The following RTN4 variants were observed in gnomAD, a reference collection of about 807,000 sequenced individuals.
RTN4 encodes reticulon-4.
RTN4 carries 32 observed loss-of-function variants against 90.4 expected under a neutral mutation model. The observed-to-expected ratio is 0.35, with a 90% CI of 0.27 to 0.48. RTN4 has a LOEUF of 0.48. Ranked by LOEUF, RTN4 falls within the 20% of genes least tolerant of loss-of-function variation. The pLI, the probability that RTN4 is intolerant of heterozygous loss-of-function variation, is 0.99. For synonymous variants in RTN4, 629 were observed against 552.5 expected, an observed-to-expected ratio of 1.14 and a Z score of -1.94; for missense variants, 1,706 against 1,430.2, an observed-to-expected ratio of 1.19 and a Z score of -3.11.
At chr2:55,013,136 C>T (rs912884084) in intron 3 of RTN4, among the ~76,000 whole-genome samples, 1 of 152,152 alleles carries the variant, frequency 6.6e-6, no homozygotes, top group Non-Finnish European at 1.5e-5. Context: ...TTTATTTATA[C>T]TGCAAGCCAA....
chr2:55,107,068 T>C (rs1358942023), intron 1 of RTN4, among the ~76,000 whole-genome samples: 1 of 152,054 alleles, frequency 6.6e-6, no homozygotes, highest in African/African-American at 2.4e-5. Context: ...AAAACAAAAT[T>C]GGTGACTCAA....
chr2:55,123,135 G>T, the RTN4 span, among the ~76,000 whole-genome samples: 1 of 151,820 alleles, frequency 6.6e-6, no homozygotes, highest in African/African-American at 2.4e-5. Flanking sequence ...TAACCACAAA[G>T]AAAATAAAAA....
intron 5 of RTN4, among the ~76,000 whole-genome samples, chr2:54,981,864 T>C (rs1347995870): frequency 7.5e-6 from 1 of 133,200 alleles, no homozygotes; most frequent in African/African-American, 2.9e-5. Flanking sequence ...AATCTGATAA[T>C]GCATTAGACG....
intron 1 of RTN4, among the ~76,000 whole-genome samples, chr2:55,088,018 T>A (rs1476044871): frequency 1.3e-5 from 2 of 152,258 alleles, no homozygotes; most frequent in Admixed American, 6.5e-5. Flanking sequence ...ACCTTAGTGT[T>A]CTTTATTTAA....
At chr2:55,021,997 T>C (rs1240632313) in intron 3 of RTN4, among the ~76,000 whole-genome samples, 3 of 152,224 alleles carry the variant, frequency 2.0e-5, no homozygotes, top group Admixed American at 2.0e-4. Context: ...GCCCAAGCAT[T>C]GCTTACACTT....
chr2:54,975,494 A>G (rs1343369562), intron 5 of RTN4, among the ~76,000 whole-genome samples: 1 of 152,222 alleles, frequency 6.6e-6, no homozygotes, highest in African/African-American at 2.4e-5. Flanking sequence ...GGGATCAGCA[A>G]ACTTTCTCTG....
chr2:55,057,898 G>A lies in RTN4; in HGVS notation c.-63+22591C>T, dbSNP rs556486521. Reference sequence around the variant, plus strand: ...CTTGGGAGGCTAAGACGGGAGGATCGCTTGAGCCAAGGAGGTCAAGGTTAC... The same window carrying A: ...CTTGGGAGGCTAAGACGGGAGGATCACTTGAGCCAAGGAGGTCAAGGTTAC... On this transcript the variant is annotated intron_variant, in intron 2 of 3. Coordinates refer to the RTN4 transcript ENST00000427710. 9.2e-5 allele frequency among the ~76,000 whole-genome samples: 14 copies of A among 152,210 alleles called. No homozygotes were observed. The East Asian group carries it at 1.9e-3, about 21-fold the overall frequency.
chr2:55,063,269 G>A (rs2105006523), intron 2 of RTN4, among the ~76,000 whole-genome samples: 1 of 152,322 alleles, frequency 6.6e-6, no homozygotes, highest in Admixed American at 6.5e-5. Flanking sequence ...CTTAGGTGAG[G>A]CGGGAAAGCC....
At chr2:55,120,008 G>C in the RTN4 span, among the ~76,000 whole-genome samples, 6 of 152,216 alleles carry the variant, frequency 3.9e-5, no homozygotes, top group Non-Finnish European at 8.8e-5. Context: ...CGCAGTCATT[G>C]CAAGTGACTG....
intron 5 of RTN4, among the ~76,000 whole-genome samples, chr2:54,975,560 CATATT>C (rs1486671528): frequency 1.9e-4 from 29 of 152,152 alleles, no homozygotes; most frequent in African/African-American, 7.0e-4. Flanking sequence ...GTTTGTGTCT[CATATT>C]ATTCTGTGTC....
At chr2:55,045,948 A>G (rs1458316914) in intron 1 of RTN4, among the ~76,000 whole-genome samples, 6 of 152,208 alleles carry the variant, frequency 3.9e-5, no homozygotes, top group Non-Finnish European at 8.8e-5. Context: ...TAAGCCAAGT[A>G]TTTTCCCATG....
chr2:54,981,632 C>A (rs983880573), intron 5 of RTN4, among the ~76,000 whole-genome samples: 1 of 152,308 alleles, frequency 6.6e-6, no homozygotes, highest in South Asian at 2.1e-4. Context: ...CCTGTTTCGT[C>A]AGTCAGAACT....
intron 3 of RTN4, among the ~76,000 whole-genome samples, chr2:54,999,418 T>C (rs1266500895): frequency 6.6e-6 from 1 of 152,128 alleles, no homozygotes; most frequent in African/African-American, 2.4e-5. Context: ...ACATTCTTCT[T>C]TGAACAGCCC....
chr2:55,112,179 C>A (rs2105068777), intron 1 of RTN4, among the ~76,000 whole-genome samples: 1 of 152,350 alleles, frequency 6.6e-6, no homozygotes, highest in East Asian at 1.9e-4. Context: ...AGCTCACCTG[C>A]ACTGGGCTGA....
At chr2:54,993,554 CTT>C in intron 3 of RTN4, among the ~76,000 whole-genome samples, 1 of 152,294 alleles carries the variant, frequency 6.6e-6, no homozygotes, top group East Asian at 1.9e-4. Flanking sequence ...TTCCTTTCCT[CTT>C]GTCATATGGT....
Position 55,049,731 on chromosome 2 carries a change from G to A in RTN4, c.556+14C>T. The A allele has an allele frequency of 1.4e-6, 2 of 1,391,838 alleles. No homozygotes were observed. Among genetic ancestry groups the A allele is most frequent in the South Asian group, 1.6e-5 (1 of 62,646 alleles). The allele number at this position is 1,391,838 out of a possible 1,614,324, so 86.2% of individuals were successfully genotyped here. On this transcript the variant is annotated intron_variant, in intron 1 of 8. Transcript: ENST00000337526. ...CGCGAGGGGCGGCGCGAAGCGAGAG[G>A]TCGCGGCACTCACCCACTGAGCCCG...
intron 1 of RTN4, among the ~76,000 whole-genome samples, chr2:55,081,894 A>C (rs145621520): frequency 2.0e-3 from 303 of 150,718 alleles, no homozygotes; most frequent in African/African-American, 6.9e-3. Context: ...AGTGAGAGAG[A>C]GATCTATCCC....
chr2:54,975,548 G>C (rs865774208), intron 5 of RTN4, among the ~76,000 whole-genome samples: 1 of 152,150 alleles, frequency 6.6e-6, no homozygotes, highest in African/African-American at 2.4e-5. Context: ...GGGCCACATA[G>C]GGTTTGTGTC....
At chr2:55,049,369 C>T (rs905389841) in intron 1 of RTN4, among the ~76,000 whole-genome samples, 2 of 152,196 alleles carry the variant, frequency 1.3e-5, no homozygotes, top group Non-Finnish European at 2.9e-5. Context: ...AAGGCCTTTC[C>T]TTCCTCACCT....
Sources: allele counts gnomAD v4.1 joint callset (sites outside exome capture counted in the v4.1 genomes callset), GRCh38; gene constraint gnomAD v4.1.1; transcripts MANE v1.5; gene names NCBI Gene and HGNC (gene_info 2026-07-23, HGNC 2026-07-21).